SVIL: variants seen among roughly 807,000 people sequenced by gnomAD.
The protein encoded by SVIL is archvillin.
Under a neutral mutation model 240.4 loss-of-function variants are expected in SVIL, and 101 were observed. The ratio of observed to expected loss-of-function variants is 0.42; its 90% CI spans 0.36 to 0.50. The LOEUF (loss-of-function observed/expected upper bound fraction) is 0.50. SVIL is among the 20% of genes least tolerant of loss of function. The pLI is 0.01. For synonymous variants in SVIL, 999 were observed against 1,100.0 expected (o/e 0.91, Z 1.82); for missense variants, 2,512 against 2,818.7 (o/e 0.89, Z 2.46).
intron 3 of SVIL, among the ~76,000 whole-genome samples, chr10:29,557,221 G>A (rs989018827): frequency 6.6e-6 from 1 of 152,054 alleles, no homozygotes; most frequent in Non-Finnish European, 1.5e-5. Flanking sequence ...TCAGCCTCGC[G>A]AGTAGGTGAG....
intron 1 of SVIL, among the ~76,000 whole-genome samples, chr10:29,696,992 G>C (rs1221606402): frequency 2.3e-4 from 31 of 134,696 alleles, no homozygotes; most frequent in South Asian, 1.7e-3. Flanking sequence ...CGCCCAGCCA[G>C]CCGCCCCGTC....
intron 33 of SVIL, 87 bp downstream of exon 33, chr10:29,467,655 T>C: frequency 1.3e-6 from 2 of 1,545,358 alleles, no homozygotes; most frequent in Non-Finnish European, 8.8e-7. Context: ...ATCATACCAC[T>C]ATACTCCAGC....
chr10:29,548,204 G>A (rs1002011310), intron 6 of SVIL, among the ~76,000 whole-genome samples: 7 of 152,304 alleles, frequency 4.6e-5, no homozygotes, highest in South Asian at 4.1e-4. Flanking sequence ...TGCTTCATAT[G>A]TGTTACTGCC....
At chr10:29,640,038 G>A (rs143527597) in intron 3 of SVIL, among the ~76,000 whole-genome samples, 3 of 152,232 alleles carry the variant, frequency 2.0e-5, no homozygotes, top group South Asian at 2.1e-4. Flanking sequence ...ATGCTCCAGC[G>A]ACTCATCTTC....
chr10:29,474,556 C>G (rs1311514983), intron 29 of SVIL, among the ~76,000 whole-genome samples: 1 of 151,838 alleles, frequency 6.6e-6, no homozygotes, highest in East Asian at 1.9e-4. Context: ...GATTGTGTCA[C>G]TGCACTCCAG....
chr10:29,693,613 CT>C (rs1273525693), intron 1 of SVIL, among the ~76,000 whole-genome samples: 11 of 152,178 alleles, frequency 7.2e-5, no homozygotes, highest in Non-Finnish European at 1.5e-4. Flanking sequence ...CCTCACTGCA[CT>C]CCAGAGCCAA....
chr10:29,606,112 C>T (rs58654401), intron 1 of SVIL, among the ~76,000 whole-genome samples: 49,759 of 151,554 alleles, frequency 0.33, 8,458 homozygotes, highest in South Asian at 0.38. Context: ...GCTTCTGTCA[C>T]GTTGGCCAGG....
intron 22 of SVIL, among the ~76,000 whole-genome samples, chr10:29,490,540 A>G (rs1476044178): frequency 6.7e-6 from 1 of 150,180 alleles, no homozygotes; most frequent in African/African-American, 2.4e-5. Flanking sequence ...TTGAGGCCAG[A>G]GAGTTTGAGA....
Position 29,462,511 on chromosome 10 carries a change from A to T in SVIL, c.6278-110T>A. On this transcript the variant is annotated intron_variant, in intron 35 of 37. Transcript: ENST00000355867. Reference sequence around the variant, plus strand: ...CCAGAACTCATGACTTCATGCTTAAAATGCAAGTTACCAGTAGTTCATAAC... The same window carrying T: ...CCAGAACTCATGACTTCATGCTTAATATGCAAGTTACCAGTAGTTCATAAC... 2.8e-6 allele frequency: 4 copies of T among 1,430,456 alleles called. No homozygotes were observed. The South Asian group carries it at 5.5e-5, about 20-fold the overall frequency. The allele number at this position is 1,430,456 out of a possible 1,614,324, so 88.6% of individuals were successfully genotyped here. A position where few individuals can be genotyped will look rare whatever the true frequency, so the allele number is the denominator to read the frequency against.
At chr10:29,548,500 T>C (rs181981232) in intron 6 of SVIL, among the ~76,000 whole-genome samples, 1 of 152,342 alleles carries the variant, frequency 6.6e-6, no homozygotes, top group Admixed American at 6.5e-5. Flanking sequence ...TATTCTCTTC[T>C]GTGATCTGAC....
chr10:29,667,018 A>G (rs960297051), intron 2 of SVIL, among the ~76,000 whole-genome samples: 1 of 152,010 alleles, frequency 6.6e-6, no homozygotes, highest in African/African-American at 2.4e-5. Context: ...GAGCGCTCAC[A>G]TTTTGCTGGT....
chr10:29,490,246 T>C (rs1366444953), intron 22 of SVIL, among the ~76,000 whole-genome samples: 1 of 152,148 alleles, frequency 6.6e-6, no homozygotes, highest in African/African-American at 2.4e-5. Flanking sequence ...TAATTAATAA[T>C]ATAAAAATCT....
chr10:29,574,034 C>T lies in SVIL; in HGVS notation c.-200-4722G>A, dbSNP rs532864718. ...AATTTCAGGGAGAAGACGTTTTAACCGAGCGCTGATGGTGGTGTATTCCCT... is the reference window on the plus strand; with the variant it reads ...AATTTCAGGGAGAAGACGTTTTAACTGAGCGCTGATGGTGGTGTATTCCCT... On this transcript the variant is annotated intron_variant, in intron 1 of 37. Coordinates refer to ENST00000355867, the MANE Select transcript of SVIL (RefSeq NM_021738.3). 4.6e-5 allele frequency among the ~76,000 whole-genome samples: 7 copies of T among 152,194 alleles called. No homozygotes were observed. In the East Asian group the frequency reaches 1.2e-3, roughly 25 times the overall value.
Position 29,486,462 on chromosome 10 carries a change from A to AGT in SVIL, c.4579_4580dup (p.His1528LeufsTer33). 6.2e-7 allele frequency: 1 copy of AGT among 1,614,188 alleles called. No individual in the cohort carries two copies. Among genetic ancestry groups the AGT allele is most frequent in the South Asian group, 1.1e-5 (1 of 91,068 alleles). On this transcript the variant is annotated frameshift_variant, in exon 25 of 38. Coordinates refer to ENST00000355867, the MANE Select transcript of SVIL (RefSeq NM_021738.3). LOFTEE classifies it high-confidence loss of function. ...GCTTCCAGAAGTCTTTGGCTGCATG[A>AGT]GTGTGTGTATTAATTCCTTCTTCAA...
At chr10:29,604,676 C>T (rs1049993225) in intron 1 of SVIL, among the ~76,000 whole-genome samples, 8 of 151,960 alleles carry the variant, frequency 5.3e-5, no homozygotes, top group Admixed American at 1.3e-4. Flanking sequence ...GTGATCCTCC[C>T]GCCTTGACAT....
At chr10:29,666,525 C>T (rs961750225) in intron 2 of SVIL, among the ~76,000 whole-genome samples, 4 of 152,202 alleles carry the variant, frequency 2.6e-5, no homozygotes, top group Middle Eastern at 6.3e-3. Context: ...CTGCCTCGTA[C>T]AGACGACCCG....
In SVIL at chr10:29,656,179, GT is replaced by G. The variant is rs77791451; in HGVS notation, c.-201+1789del. Among the ~76,000 whole-genome samples, 681 of 142,018 alleles carry G rather than the reference GT, an allele frequency of 4.8e-3. 1 individual carries two copies. Among genetic ancestry groups the G allele is most frequent in the Non-Finnish European group, 5.6e-3 (364 of 64,642 alleles). The allele number at this position is 142,018 out of a possible 152,430, so 93.2% of individuals were successfully genotyped here. A position where few individuals can be genotyped will look rare whatever the true frequency, so the allele number is the denominator to read the frequency against. The stretch of plus-strand genomic sequence containing the variant: ...CCACCGTGCCTGGCCGAGTGTGAGT[GT>G]TTTTTTTTTTTTTAAAAACATGAAG... On this transcript the variant is annotated intron_variant, in intron 3 of 35. Coordinates refer to the SVIL transcript ENST00000375400.
intron 1 of SVIL, among the ~76,000 whole-genome samples, chr10:29,692,988 A>T (rs1463942147): frequency 2.0e-5 from 3 of 151,950 alleles, no homozygotes; most frequent in African/African-American, 4.8e-5. Context: ...AGCTTGTGGG[A>T]GTTATTTATA....
intron 29 of SVIL, among the ~76,000 whole-genome samples, chr10:29,480,310 T>C (rs1588899173): frequency 6.6e-6 from 1 of 152,282 alleles, no homozygotes; most frequent in Middle Eastern, 3.4e-3. Flanking sequence ...AAGTTCAATT[T>C]CTACAGGTGA....
Sources: allele counts gnomAD v4.1 joint callset (sites outside exome capture counted in the v4.1 genomes callset), GRCh38; gene constraint gnomAD v4.1.1; transcripts MANE v1.5; gene names NCBI Gene and HGNC (gene_info 2026-07-23, HGNC 2026-07-21).